The following LPAR1 variants were observed in gnomAD, a reference collection of about 807,000 sequenced individuals.
LPAR1 encodes the protein LPA receptor 1.
Under a neutral mutation model 23.8 loss-of-function variants are expected in LPAR1, and 5 were observed. That is an observed-to-expected ratio of 0.21 (90% CI 0.11 to 0.44). The LOEUF (loss-of-function observed/expected upper bound fraction) is 0.44. Ranked by LOEUF, LPAR1 falls within the 20% of genes least tolerant of loss-of-function variation. LPAR1 has a pLI of 0.99. For synonymous variants in LPAR1, 160 were observed against 164.7 expected (o/e 0.97, Z 0.22); for missense variants, 311 against 482.8 (o/e 0.64, Z 3.33).
chr9:110,996,586 G>A (rs562548813), intron 2 of LPAR1, among the ~76,000 whole-genome samples: 9 of 152,220 alleles, frequency 5.9e-5, no homozygotes, highest in Non-Finnish European at 1.2e-4. Context: ...AGAAGGAAGC[G>A]TGTGCCAAAG....
At chr9:110,983,415 C>T (rs753063767) in intron 2 of LPAR1, among the ~76,000 whole-genome samples, 1 of 152,014 alleles carries the variant, frequency 6.6e-6, no homozygotes, top group Non-Finnish European at 1.5e-5. Context: ...CAAAAAAGGA[C>T]AAATACTCCA....
rs1170082556 is a variant in LPAR1, at chr9:110,913,530, TG to T, written c.793+27890del. Among the ~76,000 whole-genome samples, 3 of 127,408 alleles carry T rather than the reference TG, an allele frequency of 2.4e-5. No individual in the cohort carries two copies. The East Asian group carries it at 3.2e-3, about 137-fold the overall frequency. The allele number at this position is 127,408 out of a possible 152,430, so 83.6% of individuals were successfully genotyped here. A position where few individuals can be genotyped will look rare whatever the true frequency, so the allele number is the denominator to read the frequency against. Reference sequence around the variant, plus strand: ...ATATATATGTATATGTACACACACATGTGTATCAAGTTCATTTTAATAAGTA... The same window carrying T: ...ATATATATGTATATGTACACACACATTGTATCAAGTTCATTTTAATAAGTA... On this transcript the variant is annotated intron_variant, in intron 5 of 5. Coordinates refer to ENST00000683809, the MANE Select transcript of LPAR1 (RefSeq NM_001351411.2).
intron 4 of LPAR1, among the ~76,000 whole-genome samples, chr9:110,946,656 T>C (rs968623696): frequency 6.6e-6 from 1 of 151,722 alleles, no homozygotes; most frequent in South Asian, 2.1e-4. Context: ...AGTATTTAAC[T>C]CTTGAGAAAA....
chr9:110,972,364 G>C (rs886428689), intron 3 of LPAR1, 144 bp from the exon 4 acceptor site: 3 of 506,022 alleles, frequency 5.9e-6, no homozygotes, highest in Non-Finnish European at 1.1e-5. Flanking sequence ...GTAGGGAAAA[G>C]CTAAGGTCTA....
At chr9:110,916,673 C>G (rs534368713) in intron 5 of LPAR1, among the ~76,000 whole-genome samples, 1 of 152,060 alleles carries the variant, frequency 6.6e-6, no homozygotes, top group Non-Finnish European at 1.5e-5. Flanking sequence ...TGAGGTGGAA[C>G]AGCCTCCTAA....
chr9:110,956,269 A>C (rs550417211), intron 4 of LPAR1, among the ~76,000 whole-genome samples: 14 of 152,198 alleles, frequency 9.2e-5, no homozygotes, highest in Admixed American at 7.9e-4. Flanking sequence ...GGATAGCATT[A>C]GGAGAAATAC....
chr9:110,905,448 C>T (rs1407015608), intron 5 of LPAR1, among the ~76,000 whole-genome samples: 1 of 151,340 alleles, frequency 6.6e-6, no homozygotes, highest in Admixed American at 6.6e-5. Flanking sequence ...CAGGTTGAAG[C>T]GATTCTCCTG....
At position 110,982,931 on chromosome 9, in the gene LPAR1, TCATCAG is replaced by T. The variant is rs1384895768; in HGVS notation, c.-181-9379_-181-9374del. Among the ~76,000 whole-genome samples, 34 of 148,086 alleles carry T rather than the reference TCATCAG, an allele frequency of 2.3e-4. No homozygotes were observed. In the South Asian group the frequency reaches 7.3e-3, roughly 32 times the overall value. The stretch of plus-strand genomic sequence containing the variant: ...ATGAAGAGATGCTCAACATCACTAA[TCATCAG>T]TAAAATGCAAATGCAAATCAAAATA... On this transcript the variant is annotated intron_variant, in intron 2 of 5. Transcript: ENST00000683809.
intron 5 of LPAR1, among the ~76,000 whole-genome samples, chr9:110,886,325 T>C (rs1036245432): frequency 5.5e-5 from 8 of 146,696 alleles, no homozygotes; most frequent in Non-Finnish European, 1.0e-4. Flanking sequence ...GATTGCACCA[T>C]TGCACTCCAG....
chr9:110,922,214 T>C (rs2093677542), intron 5 of LPAR1, among the ~76,000 whole-genome samples: 1 of 152,168 alleles, frequency 6.6e-6, no homozygotes, highest in South Asian at 2.1e-4. Context: ...CCACAGTGAA[T>C]TCAGAGGAAT....
At chr9:110,896,459 T>C (rs1035465363) in intron 5 of LPAR1, among the ~76,000 whole-genome samples, 3 of 152,232 alleles carry the variant, frequency 2.0e-5, no homozygotes, top group Admixed American at 2.0e-4. Context: ...AGAATGTTTT[T>C]TATTTGCTTA....
At chr9:110,923,882 A>G (rs1212914044) in intron 5 of LPAR1, among the ~76,000 whole-genome samples, 1 of 152,224 alleles carries the variant, frequency 6.6e-6, no homozygotes, top group Non-Finnish European at 1.5e-5. Flanking sequence ...CTAAAGAAGT[A>G]AATATACACT....
intron 5 of LPAR1, among the ~76,000 whole-genome samples, chr9:110,915,454 A>C (rs1398701605): frequency 1.3e-5 from 2 of 152,114 alleles, no homozygotes; most frequent in Non-Finnish European, 2.9e-5. Context: ...GAAGCAGAAG[A>C]AGAATCACTT....
At chr9:110,935,546 T>G (rs936292006) in intron 5 of LPAR1, among the ~76,000 whole-genome samples, 2 of 152,138 alleles carry the variant, frequency 1.3e-5, no homozygotes, top group African/African-American at 4.8e-5. Flanking sequence ...CTCAACACTT[T>G]GGGAGGCTGA....
chr9:111,025,396 CT>C (rs1382002566), intron 2 of LPAR1, among the ~76,000 whole-genome samples: 1 of 151,332 alleles, frequency 6.6e-6, no homozygotes, highest in African/African-American at 2.4e-5. Context: ...TGATGGAGTT[CT>C]TTTTTTCTTG....
At position 110,997,876 on chromosome 9, in the gene LPAR1, G is replaced by A. The variant is rs140279610; in HGVS notation, c.-181-24318C>T. Among the ~76,000 whole-genome samples the A allele has an allele frequency of 5.3e-5, 8 of 152,332 alleles. No individual in the cohort carries two copies. In the East Asian group the frequency reaches 1.5e-3, roughly 29 times the overall value. On this transcript the variant is annotated intron_variant, in intron 2 of 5. Coordinates refer to ENST00000683809, the MANE Select transcript of LPAR1 (RefSeq NM_001351411.2). Reference sequence around the variant, plus strand: ...CTGGTGCATAAGATGCTGTGCGAGAGAGAACCAAGAATCTGTATTTTAACA... The same window carrying A: ...CTGGTGCATAAGATGCTGTGCGAGAAAGAACCAAGAATCTGTATTTTAACA...
intron 5 of LPAR1, among the ~76,000 whole-genome samples, chr9:110,906,330 A>G (rs911838540): frequency 2.6e-5 from 4 of 152,188 alleles, no homozygotes; most frequent in Admixed American, 2.0e-4. Context: ...AAAAAATCCT[A>G]CTTCTTAATT....
intron 5 of LPAR1, among the ~76,000 whole-genome samples, chr9:110,914,460 AC>A (rs2092830474): frequency 6.6e-6 from 1 of 152,174 alleles, no homozygotes; most frequent in South Asian, 2.1e-4. Flanking sequence ...CCAGAACAGC[AC>A]GGGAAAGACC....
chr9:110,981,357 T>TGCCTCAGATTTCTCCTC (rs2096662616), intron 2 of LPAR1, among the ~76,000 whole-genome samples: 3 of 152,062 alleles, frequency 2.0e-5, no homozygotes, highest in African/African-American at 7.2e-5. Flanking sequence ...CATGTCTCCT[T>TGCCTCAGATTTCTCCTC]GCCTCAGATT....
Sources: allele counts gnomAD v4.1 joint callset (sites outside exome capture counted in the v4.1 genomes callset), GRCh38; gene constraint gnomAD v4.1.1; transcripts MANE v1.5; gene names NCBI Gene and HGNC (gene_info 2026-07-23, HGNC 2026-07-21).